Variants in TTLL13 observed in about 807,000 individuals in gnomAD.
The protein encoded by TTLL13 is tubulin tyrosine ligase like 13.
the TTLL13 span, among the ~76,000 whole-genome samples, chr15:90,254,189 T>C: frequency 1.0e-5 from 1 of 98,022 alleles, no homozygotes; most frequent in Non-Finnish European, 1.9e-5. Context: ...TGAGACCCTG[T>C]TTTTTTTTTT....
the TTLL13 span, among the ~76,000 whole-genome samples, chr15:90,256,801 C>T: frequency 0.19 from 28,880 of 151,938 alleles, 2,947 homozygotes; most frequent in Middle Eastern, 0.23. Context: ...CAATTCTCTG[C>T]CTCAGCCTCC....
the TTLL13 span, among the ~76,000 whole-genome samples, chr15:90,259,985 C>T: frequency 6.6e-6 from 1 of 152,128 alleles, no homozygotes; most frequent in South Asian, 2.1e-4. Flanking sequence ...TGTTTGATTC[C>T]CCACGAGAGC....
the TTLL13 span, among the ~76,000 whole-genome samples, chr15:90,259,950 C>T: frequency 6.6e-6 from 1 of 152,212 alleles, no homozygotes; most frequent in South Asian, 2.1e-4. Context: ...TTCCCACTTA[C>T]ATTCCAATAT....
At chr15:90,260,871 GAGAA>G in the TTLL13 span, among the ~76,000 whole-genome samples, 7 of 147,808 alleles carry the variant, frequency 4.7e-5, no homozygotes, top group East Asian at 4.0e-4. Context: ...AAAAAAAAGA[GAGAA>G]AGAAAGGAAG....
At chr15:90,249,941 A>ATTTTTTTTT in the TTLL13 span, 1 of 113,352 alleles carries the variant, frequency 8.8e-6, no homozygotes, top group Admixed American at 1.0e-4. Context: ...CTTCAGCTGT[A>ATTTTTTTTT]TTTTATTTTA....
the TTLL13 span, chr15:90,256,414 G>T: frequency 2.3e-6 from 3 of 1,294,682 alleles, no homozygotes; most frequent in South Asian, 2.6e-5. Context: ...CACTAGCCCC[G>T]TTTTCCTGGA....
the TTLL13 span, chr15:90,258,169 C>A: frequency 5.6e-6 from 9 of 1,614,124 alleles, no homozygotes; most frequent in Non-Finnish European, 6.8e-6. Context: ...AACTACCGAA[C>A]CTGTTTTCCC....
chr15:90,256,612 TCC>T, the TTLL13 span, among the ~76,000 whole-genome samples: 3 of 66,160 alleles, frequency 4.5e-5, no homozygotes, highest in African/African-American at 3.2e-4. Flanking sequence ...TTTCTTTCCT[TCC>T]TTCCTTCCTT....
At chr15:90,262,587 C>A in the TTLL13 span, 1 of 1,534,712 alleles carries the variant, frequency 6.5e-7, no homozygotes, top group Non-Finnish European at 8.7e-7. Flanking sequence ...GGTGAATCAG[C>A]TGGGGAGAAA....
the TTLL13 span, among the ~76,000 whole-genome samples, chr15:90,253,806 C>G: frequency 6.6e-6 from 1 of 152,156 alleles, no homozygotes; most frequent in Admixed American, 6.5e-5. Flanking sequence ...AATGATCCAC[C>G]GGGGTCCACA....
At chr15:90,265,199 ACT>A in the TTLL13 span, 1 of 1,345,820 alleles carries the variant, frequency 7.4e-7, no homozygotes, top group Admixed American at 3.1e-5. Context: ...CCAGCCATGT[ACT>A]CATTTCTGCT....
the TTLL13 span, chr15:90,258,318 T>C: frequency 6.6e-7 from 1 of 1,509,894 alleles, no homozygotes; most frequent in South Asian, 1.1e-5. Context: ...AGAGGCCTCC[T>C]TGAATAGGAC....
chr15:90,257,714 C>T, the TTLL13 span: 32 of 1,613,860 alleles, frequency 2.0e-5, no homozygotes, highest in Non-Finnish European at 2.7e-5. Context: ...GCGCTGTGGG[C>T]AGTAAGAGGT....
chr15:90,259,224 A>G, the TTLL13 span: 3 of 389,304 alleles, frequency 7.7e-6, no homozygotes, highest in Non-Finnish European at 1.4e-5. Flanking sequence ...CAAAGGAATA[A>G]TAATTAAAAA....
the TTLL13 span, chr15:90,257,604 C>T: frequency 6.2e-7 from 1 of 1,600,114 alleles, no homozygotes; most frequent in Non-Finnish European, 8.6e-7. Context: ...CGCATGCAGA[C>T]AGTCTGAGAC....
the TTLL13 span, chr15:90,258,603 C>T: frequency 2.8e-6 from 2 of 715,442 alleles, no homozygotes; most frequent in Non-Finnish European, 4.7e-6. Context: ...AGTTTTGTGG[C>T]CTTGGAAGCC....
At chr15:90,251,467 G>A in the TTLL13 span, 1 of 1,329,604 alleles carries the variant, frequency 7.5e-7, no homozygotes, top group Non-Finnish European at 1.1e-6. Context: ...AAAAGGAATT[G>A]TGTTGTGAAT....
At chr15:90,259,926 T>C in the TTLL13 span, among the ~76,000 whole-genome samples, 3 of 152,254 alleles carry the variant, frequency 2.0e-5, no homozygotes, top group African/African-American at 7.2e-5. Flanking sequence ...GTTATCACTA[T>C]GATCACATTG....
chr15:90,263,160 G>C, the TTLL13 span: 4 of 1,514,938 alleles, frequency 2.6e-6, no homozygotes, highest in Non-Finnish European at 3.5e-6. Flanking sequence ...GGGTCCCTGT[G>C]AAGTCTCCCA....
Sources: gnomAD v4.1 joint callset for allele counts (sites outside exome capture counted in the v4.1 genomes callset) on GRCh38, gnomAD v4.1.1 for gene constraint, MANE v1.5 for transcripts, NCBI Gene and HGNC (gene_info 2026-07-23, HGNC 2026-07-21) for gene names.